CTNND2: variants seen among roughly 807,000 people sequenced by gnomAD.
CTNND2 encodes the protein catenin delta-2.
A neutral mutation model predicts 144.4 loss-of-function variants in CTNND2; 22 were observed. That is an observed-to-expected ratio of 0.15 (90% confidence interval 0.11 to 0.22). CTNND2 has a LOEUF of 0.22. CTNND2 is among the 10% of genes least tolerant of loss of function. The pLI is 1.00. For synonymous variants in CTNND2, 751 were observed against 695.6 expected (o/e 1.08, Z -1.25); for missense variants, 1,353 against 1,618.8 (o/e 0.84, Z 2.82).
At chr5:11,719,831 T>TAC (rs1178873446) in intron 2 of CTNND2, among the ~76,000 whole-genome samples, 33 of 109,484 alleles carry the variant, frequency 3.0e-4, no homozygotes, top group South Asian at 2.2e-3. Context: ...AGCTCTGACA[T>TAC]ATACACACAC....
At chr5:11,471,492 G>C (rs1767231285) in intron 3 of CTNND2, among the ~76,000 whole-genome samples, 1 of 152,138 alleles carries the variant, frequency 6.6e-6, no homozygotes. Flanking sequence ...AAAAATCACA[G>C]TGATGTTATC....
chr5:11,682,765 G>C (rs1319317065), intron 2 of CTNND2, among the ~76,000 whole-genome samples: 1 of 152,174 alleles, frequency 6.6e-6, no homozygotes, highest in Admixed American at 6.5e-5. Context: ...CTTGCTCTTG[G>C]ATGGAAACAC....
At chr5:11,181,764 GTGTGTGTGTGTC>G (rs1374630945) in intron 11 of CTNND2, among the ~76,000 whole-genome samples, 15 of 149,264 alleles carry the variant, frequency 1.0e-4, no homozygotes, top group East Asian at 4.0e-4. Flanking sequence ...GTGTATGTGT[GTGTGTGTGTGTC>G]TGTGTGTGTG....
At chr5:11,392,206 T>C (rs1034356536) in intron 6 of CTNND2, among the ~76,000 whole-genome samples, 2 of 152,204 alleles carry the variant, frequency 1.3e-5, no homozygotes, top group African/African-American at 4.8e-5. Context: ...GATTTTTGCA[T>C]CCTTGAGTAC....
At chr5:11,490,632 G>GCA (rs143185826) in intron 3 of CTNND2, among the ~76,000 whole-genome samples, 9 of 151,386 alleles carry the variant, frequency 5.9e-5, no homozygotes, top group Middle Eastern at 3.4e-3. Flanking sequence ...ATGCACACAT[G>GCA]CACACACACA....
At chr5:11,585,404 TTAGAAAAAAATGTATTTTTTC>T (rs1429820608) in intron 2 of CTNND2, among the ~76,000 whole-genome samples, 1 of 152,092 alleles carries the variant, frequency 6.6e-6, no homozygotes, top group Non-Finnish European at 1.5e-5. Flanking sequence ...ATATTTGATG[TTAGAAAAAAATGTATTTTTTC>T]TAACACACTA....
At chr5:11,324,297 G>A (rs1401054643) in intron 9 of CTNND2, among the ~76,000 whole-genome samples, 4 of 152,198 alleles carry the variant, frequency 2.6e-5, no homozygotes, top group East Asian at 3.9e-4. Flanking sequence ...CATTTTACAG[G>A]TAATCTTCCC....
intron 9 of CTNND2, among the ~76,000 whole-genome samples, chr5:11,290,697 C>T (rs1383445501): frequency 6.6e-6 from 1 of 152,120 alleles, no homozygotes; most frequent in East Asian, 1.9e-4. Flanking sequence ...CATGATCGGT[C>T]CTTTTAAATG....
intron 9 of CTNND2, among the ~76,000 whole-genome samples, chr5:11,256,611 T>C (rs1444494156): frequency 6.6e-6 from 1 of 152,202 alleles, no homozygotes; most frequent in African/African-American, 2.4e-5. Context: ...AGAAAGAGTA[T>C]ATATGCAATA....
intron 12 of CTNND2, among the ~76,000 whole-genome samples, chr5:11,135,449 C>CAG (rs10693715): frequency 0.62 from 94,333 of 151,884 alleles, 29,334 homozygotes; most frequent in East Asian, 0.73. Context: ...ACAGAAGAAA[C>CAG]AGTGGATTCA....
intron 11 of CTNND2, among the ~76,000 whole-genome samples, chr5:11,196,103 A>C (rs1736833697): frequency 6.6e-6 from 1 of 152,196 alleles, no homozygotes; most frequent in Non-Finnish European, 1.5e-5. Flanking sequence ...TCATTGTTCA[A>C]ATTGTTTGCC....
intron 9 of CTNND2, among the ~76,000 whole-genome samples, chr5:11,311,827 TCACA>T (rs1169245922): frequency 2.1e-4 from 15 of 72,142 alleles, no homozygotes; most frequent in African/African-American, 7.4e-4. Flanking sequence ...CAGCCCACAC[TCACA>T]CACACTCCCC....
At chr5:11,001,235 TCTGTATTAGGC>T (rs1371296188) in intron 18 of CTNND2, among the ~76,000 whole-genome samples, 1 of 152,204 alleles carries the variant, frequency 6.6e-6, no homozygotes, top group Non-Finnish European at 1.5e-5. Context: ...CCTGCTTGGT[TCTGTATTAGGC>T]AAACAGGAGG....
chr5:11,218,684 T>C (rs913456548), intron 10 of CTNND2, among the ~76,000 whole-genome samples: 1 of 152,212 alleles, frequency 6.6e-6, no homozygotes, highest in Admixed American at 6.5e-5. Context: ...GGAGCACCAC[T>C]TTATTTAGAC....
intron 2 of CTNND2, among the ~76,000 whole-genome samples, chr5:11,566,553 T>C (rs2727607): frequency 0.9 from 136,580 of 152,294 alleles, 61,303 homozygotes; most frequent in Admixed American, 0.92. Flanking sequence ...TTGATAACAC[T>C]TTTAAAAACA....
intron 18 of CTNND2, among the ~76,000 whole-genome samples, chr5:11,005,648 G>T (rs918204817): frequency 5.3e-5 from 8 of 152,220 alleles, no homozygotes; most frequent in African/African-American, 1.9e-4. Flanking sequence ...AACAAGGTGG[G>T]TTGGGTGCTA....
intron 3 of CTNND2, among the ~76,000 whole-genome samples, chr5:11,445,512 C>A (rs189979298): frequency 6.6e-6 from 1 of 152,316 alleles, no homozygotes; most frequent in Non-Finnish European, 1.5e-5. Context: ...CAAAGCAAAG[C>A]GGCTCATGCC....
chr5:11,818,886 CAA>C (rs1419914566), intron 1 of CTNND2, among the ~76,000 whole-genome samples: 3 of 152,134 alleles, frequency 2.0e-5, no homozygotes, highest in Non-Finnish European at 4.4e-5. Flanking sequence ...CTCTCCTCAG[CAA>C]AGAGTTGTGG....
intron 11 of CTNND2, among the ~76,000 whole-genome samples, chr5:11,165,162 T>C (rs774635359): frequency 2.0e-5 from 3 of 152,160 alleles, no homozygotes; most frequent in Non-Finnish European, 4.4e-5. Flanking sequence ...CAAACAAGAA[T>C]AGAAAAATGT....
Sources: gnomAD v4.1 joint callset for allele counts (sites outside exome capture counted in the v4.1 genomes callset) on GRCh38, gnomAD v4.1.1 for gene constraint, MANE v1.5 for transcripts, NCBI Gene and HGNC (gene_info 2026-07-23, HGNC 2026-07-21) for gene names.